Variants in RDX observed in about 807,000 individuals in gnomAD.
RDX encodes deafness, autosomal recessive 24.
A neutral mutation model predicts 83.7 loss-of-function variants in RDX; 32 were observed. The ratio of observed to expected loss-of-function variants is 0.38; its 90% confidence interval spans 0.29 to 0.51. RDX has a LOEUF of 0.51. Ranked by LOEUF, RDX falls within the 20% of genes least tolerant of loss-of-function variation. RDX has a pLI of 0.87. For synonymous variants in RDX, 229 were observed against 222.7 expected, an observed-to-expected ratio of 1.03 and a Z score of -0.25; for missense variants, 600 against 689.9, an observed-to-expected ratio of 0.87 and a Z score of 1.46.
chr11:110,183,477 G>A (rs566927538), intron 15 of RDX, among the ~76,000 whole-genome samples: 30 of 152,200 alleles, frequency 2.0e-4, no homozygotes, highest in African/African-American at 4.8e-4. Flanking sequence ...ACAGGTACAC[G>A]CTAACAGCCC....
chr11:110,215,826 T>TCGG (rs1864032350), intron 14 of RDX, among the ~76,000 whole-genome samples: 1 of 152,200 alleles, frequency 6.6e-6, no homozygotes, highest in Non-Finnish European at 1.5e-5. Flanking sequence ...TGGTTGTCCT[T>TCGG]CGGCAGGTTA....
rs557016181 is a variant in RDX at position 110,271,688 on chromosome 11, C to A, written c.96+848G>T. 5.3e-5 allele frequency among the ~76,000 whole-genome samples: 8 copies of A among 152,112 alleles called. No individual in the cohort carries two copies. The South Asian group carries it at 1.7e-3, about 32-fold the overall frequency. ...TTTAAAGCTCCACAGGTGACTAATA[C>A]GCACTCAAGACTGAGAAGAAAGATA... On this transcript the variant is annotated intron_variant, in intron 3 of 13. Transcript: ENST00000645495.
rs777439700 is a variant in RDX, at chr11:110,205,605, AG to A, written c.1749-5928del. Among the ~76,000 whole-genome samples, 73 of 152,214 alleles carry A rather than the reference AG, an allele frequency of 4.8e-4. No homozygotes were observed. In the South Asian group the frequency reaches 5.0e-3, roughly 10 times the overall value. The stretch of plus-strand genomic sequence containing the variant: ...TCTAATAAAAAACAGGCAAAAAAAA[AG>A]TTATTTCAAAGAAAATGAAACATGA... On this transcript the variant is annotated intron_variant, in intron 14 of 15. Transcript: ENST00000528498.
At chr11:110,181,306 G>A (rs569720241) in intron 15 of RDX, among the ~76,000 whole-genome samples, 5 of 152,216 alleles carry the variant, frequency 3.3e-5, no homozygotes, top group Admixed American at 3.3e-4. Context: ...GGGATTATAG[G>A]CACCCGCCAC....
At chr11:110,247,659 A>G in intron 10 of RDX, 44 bp downstream of exon 10, 1 of 1,594,776 alleles carries the variant, frequency 6.3e-7, no homozygotes, top group Non-Finnish European at 8.6e-7. Context: ...CTGACAACAG[A>G]GCAATAATAA....
chr11:110,264,938 T>C, intron 3 of RDX, 64 bp from the exon 4 acceptor site: 1 of 1,162,244 alleles, frequency 8.6e-7, no homozygotes, highest in South Asian at 1.2e-5. Context: ...GTCTAGATGA[T>C]ACTACACTTC....
chr11:110,219,070 A>G (rs1864157007), intron 14 of RDX, among the ~76,000 whole-genome samples: 1 of 152,226 alleles, frequency 6.6e-6, no homozygotes, highest in African/African-American at 2.4e-5. Context: ...GAGAAAAATA[A>G]AGGCAAGAAA....
chr11:110,211,717 C>T (rs1278965756), intron 14 of RDX, among the ~76,000 whole-genome samples: 2 of 146,028 alleles, frequency 1.4e-5, no homozygotes, highest in East Asian at 2.0e-4. Flanking sequence ...AACTGAACAA[C>T]CTGCTCCTGA....
chr11:110,259,071 T>C (rs1859684880), intron 5 of RDX, among the ~76,000 whole-genome samples: 1 of 151,806 alleles, frequency 6.6e-6, no homozygotes, highest in African/African-American at 2.4e-5. Flanking sequence ...GCGTGCGCCA[T>C]AATGCCTGGC....
intron 9 of RDX, 156 bp downstream of exon 9, chr11:110,253,790 G>C: frequency 1.5e-6 from 1 of 684,460 alleles, no homozygotes; most frequent in Non-Finnish European, 2.5e-6. Context: ...ATACATACTC[G>C]TTTTAAAGGA....
downstream of RDX, among the ~76,000 whole-genome samples, chr11:110,228,916 T>C (rs1261910246): frequency 2.0e-5 from 3 of 151,464 alleles, no homozygotes; most frequent in Non-Finnish European, 4.4e-5. Context: ...GACAGTTAAA[T>C]ATTACTATCA....
chr11:110,275,869 C>G (rs1591177657), intron 2 of RDX, among the ~76,000 whole-genome samples: 1 of 149,162 alleles, frequency 6.7e-6, no homozygotes, highest in Non-Finnish European at 1.5e-5. Context: ...ACTGCAACCT[C>G]TGCCTTCCAG....
At chr11:110,215,366 AAATAAATAAATAAAT>A (rs1864005853) in intron 14 of RDX, among the ~76,000 whole-genome samples, 1 of 26,500 alleles carries the variant, frequency 3.8e-5, no homozygotes. Flanking sequence ...CCATCTCAAA[AAATAAATAAATAAAT>A]AAATAAATAA....
intron 11 of RDX, chr11:110,236,403 A>G: frequency 1.9e-6 from 1 of 513,878 alleles, no homozygotes; most frequent in East Asian, 3.4e-5. Flanking sequence ...AATTACTATT[A>G]TTCTACAGAC....
chr11:110,259,075 G>T (rs930275769), intron 5 of RDX, among the ~76,000 whole-genome samples: 1 of 152,016 alleles, frequency 6.6e-6, no homozygotes, highest in African/African-American at 2.4e-5. Context: ...GCGCCATAAT[G>T]CCTGGCTAAT....
At chr11:110,233,105 CCAAACACCCA>C in intron 13 of RDX, 122 bp downstream of exon 13, 1 of 1,093,412 alleles carries the variant, frequency 9.1e-7, no homozygotes. Flanking sequence ...TGACTATAGG[CCAAACACCCA>C]CAAACCAATC....
intron 3 of RDX, among the ~76,000 whole-genome samples, chr11:110,265,109 GTTTT>G (rs71053876): frequency 1.1e-5 from 1 of 90,694 alleles, no homozygotes; most frequent in African/African-American, 4.3e-5. Context: ...TTTTTTTTTT[GTTTT>G]TTTTTTTTTT....
chr11:110,204,693 T>C (rs1388556597), intron 14 of RDX, among the ~76,000 whole-genome samples: 1 of 152,008 alleles, frequency 6.6e-6, no homozygotes, highest in Non-Finnish European at 1.5e-5. Flanking sequence ...ATTTTTGTAT[T>C]TGTAGTAGAG....
intron 15 of RDX, among the ~76,000 whole-genome samples, chr11:110,197,381 T>C (rs1463401699): frequency 1.3e-5 from 2 of 152,150 alleles, no homozygotes; most frequent in African/African-American, 4.8e-5. Flanking sequence ...TATAATCAAC[T>C]ATGGAGAGGC....
Sources: allele counts gnomAD v4.1 joint callset (sites outside exome capture counted in the v4.1 genomes callset), GRCh38; gene constraint gnomAD v4.1.1; transcripts MANE v1.5; gene names NCBI Gene and HGNC (gene_info 2026-07-23, HGNC 2026-07-21).